LRP8: variants seen among roughly 807,000 people sequenced by gnomAD.
LRP8 encodes the protein low-density lipoprotein receptor-related protein 8.
Under a neutral mutation model 111.6 loss-of-function variants are expected in LRP8, and 46 were observed. The ratio of observed to expected loss-of-function variants is 0.41; its 90% CI spans 0.33 to 0.53. The LOEUF is 0.53. Among genes scored for constraint, LRP8 ranks in the 20% least tolerant of loss-of-function variants. The probability of loss-of-function intolerance (pLI) is 0.20; values close to 1 mark genes in which losing one functional copy is unlikely to be tolerated. For missense variants in LRP8, 959 were observed against 1,297.4 expected, an observed-to-expected ratio of 0.74 and a Z score of 4.01; for synonymous variants, 464 against 511.2, an observed-to-expected ratio of 0.91 and a Z score of 1.24.
chr1:53,257,486 G>A (rs1646143764), intron 14 of LRP8, 22 bp from the exon 15 acceptor site: 2 of 1,592,902 alleles, frequency 1.3e-6, no homozygotes, highest in East Asian at 2.2e-5. Context: ...ATACCATGGA[G>A]GTCACTTGGA....
At position 53,250,928 on chromosome 1, in the gene LRP8, A is replaced by G. The variant is rs1645876148; in HGVS notation, c.2504-66T>C. 7.2e-7 allele frequency: 1 copy of G among 1,398,090 alleles called. No individual in the cohort carries two copies. The highest frequency in any genetic ancestry group is 1.4e-5 in the African/African-American group (1 of 70,490). The allele number at this position is 1,398,090 out of a possible 1,614,324, so 86.6% of individuals were successfully genotyped here. A position where few individuals can be genotyped will look rare whatever the true frequency, so the allele number is the denominator to read the frequency against. The stretch of plus-strand genomic sequence containing the variant: ...CAACCCACTGCTCAGACATCTGTAC[A>G]AGGCTTGTCACCACTCCACTTTTAC... On this transcript the variant is annotated intron_variant, in intron 16 of 18. Coordinates refer to ENST00000306052, the MANE Select transcript of LRP8 (RefSeq NM_004631.5). This position sits in a 1 kb window ranked among gnomAD's most constrained non-coding sequence, Gnocchi z 4.6.
intron 2 of LRP8, among the ~76,000 whole-genome samples, chr1:53,298,105 G>A (rs937727097): frequency 5.3e-5 from 8 of 152,264 alleles, no homozygotes; most frequent in African/African-American, 1.9e-4. Flanking sequence ...CTTCCAAAGA[G>A]GTCATCTGGG....
In LRP8 at chr1:53,250,851, G is replaced by A; in HGVS notation, c.2515C>T (p.Leu839Phe). ...GIIVPIVVIA[L>F]LCMSGYLIWR... ...ATCAGGTATCCACTCATGCACAGGA[G>A]GGCTATCACCACTGGAGGAAGGACA... Residue 839 changes from leucine (L) to phenylalanine (F), a missense_variant, in exon 17 of 19, where the codon CTC becomes TTC. By Grantham distance (22) the Leu-to-Phe change is conservative. Transcript: ENST00000306052. This position sits in a 1 kb window ranked among gnomAD's most constrained non-coding sequence, Gnocchi z 4.6. 1.9e-6 allele frequency: 3 copies of A among 1,614,024 alleles called. No individual in the cohort carries two copies. Among genetic ancestry groups the A allele is most frequent in the South Asian group, 1.1e-5 (1 of 91,074 alleles).
intron 3 of LRP8, among the ~76,000 whole-genome samples, chr1:53,289,069 G>A (rs1648142656): frequency 6.6e-6 from 1 of 152,216 alleles, no homozygotes; most frequent in Admixed American, 6.5e-5. Context: ...TGGCTGGGTA[G>A]CCTTGGGCAA....
At position 53,266,429 on chromosome 1, in the gene LRP8, AC is replaced by A; in HGVS notation, c.1427+43del. ...CCCTCCTCACCTGTCACCACCCCTC[AC>A]CCCCACTCTTCATGCCTTGCTGCAG... On this transcript the variant is annotated intron_variant, in intron 9 of 18. Transcript: ENST00000306052. This position sits in a 1 kb window ranked among gnomAD's most constrained non-coding sequence, Gnocchi z 5.0. 3 of 1,595,870 alleles carry A rather than the reference AC, an allele frequency of 1.9e-6. No homozygotes were observed. The highest frequency in any genetic ancestry group is 2.6e-6 in the Non-Finnish European group (3 of 1,166,906).
In LRP8 at chr1:53,309,284, AG is replaced by A. The variant is rs144020703; in HGVS notation, c.244+17588del. Among the ~76,000 whole-genome samples the A allele has an allele frequency of 8.9e-3, 1,361 of 152,318 alleles. 20 individuals carry two copies. The highest frequency in any genetic ancestry group is 0.032 in the African/African-American group (1,310 of 41,564). ...AGTGAGACTCCATCTTTAAAAAAAA[AG>A]AATTCATGAAGTCATGCATGGAGAG... On this transcript the variant is annotated intron_variant, in intron 2 of 18. Transcript: ENST00000306052.
chr1:53,292,914 T>G (rs554376796), intron 2 of LRP8, among the ~76,000 whole-genome samples: 1 of 152,334 alleles, frequency 6.6e-6, no homozygotes, highest in Non-Finnish European at 1.5e-5. Context: ...TTACAGCAGG[T>G]GGGAAAGCCC....
At chr1:53,287,334 A>G (rs995628455) in intron 3 of LRP8, among the ~76,000 whole-genome samples, 5 of 152,206 alleles carry the variant, frequency 3.3e-5, no homozygotes, top group African/African-American at 4.8e-5. Context: ...ACACCGACCA[A>G]TGTAACACAG....
At position 53,294,345 on chromosome 1, in the gene LRP8, G is replaced by C. The variant is rs982178193; in HGVS notation, c.245-4656C>G. Among the ~76,000 whole-genome samples the C allele has an allele frequency of 6.6e-6, 1 of 152,228 alleles. No homozygotes were observed. The highest frequency in any genetic ancestry group is 2.4e-5 in the African/African-American group (1 of 41,464). ...GCTGACCCCAGGGTAGAGTAGGGGA[G>C]AGTGGGAAATCCAGGACAAAGGAAG... On this transcript the variant is annotated intron_variant, in intron 2 of 18. Coordinates refer to ENST00000306052, the MANE Select transcript of LRP8 (RefSeq NM_004631.5). This position sits in a 1 kb window ranked among gnomAD's most constrained non-coding sequence, Gnocchi z 4.1.
intron 15 of LRP8, among the ~76,000 whole-genome samples, chr1:53,255,473 A>T (rs1196060570): frequency 1.3e-5 from 2 of 152,188 alleles, no homozygotes; most frequent in African/African-American, 4.8e-5. Context: ...CCCAAGTCCC[A>T]TACCCTTTCC....
Position 53,280,593 on chromosome 1 carries a change from C to T in LRP8, c.490G>A (p.Ala164Thr). Residue 164 changes from alanine (A) to threonine (T), a missense_variant, in exon 4 of 19, where the codon GCT becomes ACT. Coordinates refer to ENST00000306052, the MANE Select transcript of LRP8 (RefSeq NM_004631.5). ...GATCTGACCCCAGACTCACAGGTAG[C>T]ACAGCCGGCCTCATCCGCTCCACCC... Reference protein sequence around the residue: ...CEGGADEAGCATLCAPHEFQC... With the variant: ...CEGGADEAGCTTLCAPHEFQC... 6.2e-7 allele frequency: 1 copy of T among 1,612,316 alleles called. No homozygotes were observed. Among genetic ancestry groups the T allele is most frequent in the Non-Finnish European group, 8.5e-7 (1 of 1,179,932 alleles).
chr1:53,291,292 C>T (rs935482925), intron 2 of LRP8, among the ~76,000 whole-genome samples: 6 of 152,032 alleles, frequency 3.9e-5, no homozygotes, highest in Admixed American at 1.3e-4. Flanking sequence ...GGCCTTGGGG[C>T]GCTCAGACCA....
In LRP8 at chr1:53,277,090, A is replaced by AGAGAGCCGGTCGGCG. The variant is rs2100422720; in HGVS notation, c.497-13_497-12insCGCCGACCGGCTCTC. The AGAGAGCCGGTCGGCG allele has an allele frequency of 6.7e-7, 1 of 1,483,784 alleles. No individual in the cohort carries two copies. Among genetic ancestry groups the AGAGAGCCGGTCGGCG allele is most frequent in the East Asian group, 2.7e-5 (1 of 37,526 alleles). 91.9% of individuals were successfully genotyped at this position (1,483,784 alleles called of 1,614,324 possible). On this transcript the variant is annotated splice_polypyrimidine_tract_variant and intron_variant, in intron 4 of 18. Coordinates refer to ENST00000306052, the MANE Select transcript of LRP8 (RefSeq NM_004631.5). ...GTGCGGGGCGCACACTGCGCGGGAC[A>AGAGAGCCGGTCGGCG]GAGAGCCGGTCGGCCCGCCGACCCC...
chr1:53,320,261 C>A (rs535589226), intron 2 of LRP8, among the ~76,000 whole-genome samples: 3 of 152,204 alleles, frequency 2.0e-5, no homozygotes, highest in African/African-American at 7.2e-5. Flanking sequence ...CAAAGCCCTT[C>A]GGTACTGCAA....
At position 53,294,955 on chromosome 1, in the gene LRP8, T is replaced by C. The variant is rs1649421842; in HGVS notation, c.245-5266A>G. ...GGCACTGCTCTGTGCAGCTTCCTCT[T>C]GGCAATCCGAATGTCCTGCCGTGTT... On this transcript the variant is annotated intron_variant, in intron 2 of 18. Coordinates refer to ENST00000306052, the MANE Select transcript of LRP8 (RefSeq NM_004631.5). This position sits in a 1 kb window ranked among gnomAD's most constrained non-coding sequence, Gnocchi z 4.1. 6.6e-6 allele frequency among the ~76,000 whole-genome samples: 1 copy of C among 152,194 alleles called. No homozygotes were observed. Among genetic ancestry groups the C allele is most frequent in the Admixed American group, 6.5e-5 (1 of 15,290 alleles).
chr1:53,315,159 T>G (rs1482840169), intron 2 of LRP8, among the ~76,000 whole-genome samples: 2 of 152,168 alleles, frequency 1.3e-5, no homozygotes, highest in Non-Finnish European at 2.9e-5. Context: ...CTGGGCTCAT[T>G]TCCTAATGAG....
intron 2 of LRP8, among the ~76,000 whole-genome samples, chr1:53,324,571 C>A (rs886125803): frequency 3.9e-5 from 6 of 152,186 alleles, no homozygotes; most frequent in Non-Finnish European, 8.8e-5. Flanking sequence ...TCAGCAGCGC[C>A]GCCACCCTTT....
At chr1:53,280,481 C>G (rs116935422) in intron 4 of LRP8, 106 bp downstream of exon 4, 1 of 1,452,584 alleles carries the variant, frequency 6.9e-7, no homozygotes, top group Non-Finnish European at 9.3e-7. Context: ...TCCTCTCCAC[C>G]ACCAAGCCCC....
intron 3 of LRP8, among the ~76,000 whole-genome samples, chr1:53,289,099 C>T (rs1648148322): frequency 6.6e-6 from 1 of 152,228 alleles, no homozygotes; most frequent in African/African-American, 2.4e-5. Flanking sequence ...CCTCTTTGAG[C>T]TTCAGTGTTC....
Sources: gnomAD v4.1 joint callset for allele counts (sites outside exome capture counted in the v4.1 genomes callset) on GRCh38, gnomAD v4.1.1 for gene constraint, Gnocchi (gnomAD v3.1) non-coding constraint, MANE v1.5 for transcripts, NCBI Gene and HGNC (gene_info 2026-07-23, HGNC 2026-07-21) for gene names.